The following MS4A5 variants were observed in gnomAD, a reference collection of about 807,000 sequenced individuals.
The protein encoded by MS4A5 is membrane-spanning 4-domains subfamily A member 5.
Under a neutral mutation model 18.2 loss-of-function variants are expected in MS4A5, and 15 were observed. That is an observed-to-expected ratio of 0.83 (90% confidence interval 0.55 to 1.27). The LOEUF (loss-of-function observed/expected upper bound fraction) is 1.27. MS4A5 is among the 50% of genes most tolerant of loss of function. The pLI, the probability that MS4A5 is intolerant of heterozygous loss-of-function variation, is 0.00. For synonymous variants in MS4A5, 89 were observed against 78.7 expected (o/e 1.13, Z -0.69); for missense variants, 232 against 225.7 (o/e 1.03, Z -0.18).
intron 1 of MS4A5, 62 bp downstream of exon 1, chr11:60,429,889 C>T (rs2086039266): frequency 6.0e-6 from 9 of 1,492,192 alleles, no homozygotes; most frequent in Non-Finnish European, 8.2e-6. Flanking sequence ...GGGAAATTAT[C>T]TGTTGGCACA....
chr11:60,434,801 ATGCTTAT>A (rs2086069761), intron 4 of MS4A5, among the ~76,000 whole-genome samples: 1 of 152,178 alleles, frequency 6.6e-6, no homozygotes, highest in Non-Finnish European at 1.5e-5. Context: ...TTTGCCAGTG[ATGCTTAT>A]TTGGAATCCA....
At chr11:60,438,519 A>G (rs1455104979) in intron 4 of MS4A5, among the ~76,000 whole-genome samples, 1 of 152,160 alleles carries the variant, frequency 6.6e-6, no homozygotes, top group South Asian at 2.1e-4. Context: ...AAATTGATAG[A>G]CTGCTAGCAA....
intron 2 of MS4A5, among the ~76,000 whole-genome samples, chr11:60,431,903 T>C (rs1213808373): frequency 6.6e-6 from 1 of 152,190 alleles, no homozygotes; most frequent in Non-Finnish European, 1.5e-5. Context: ...ATGGAAGTGC[T>C]GTAATCAGAT....
chr11:60,433,882 A>C lies in MS4A5; in HGVS notation c.457A>C (p.Asn153His), dbSNP rs757632460. 2 of 1,614,200 alleles carry C rather than the reference A, an allele frequency of 1.2e-6. No individual in the cohort carries two copies. Among genetic ancestry groups the C allele is most frequent in the Admixed American group, 3.3e-5 (2 of 60,038 alleles). ...CTACATTTGTGGTTATTCTCACCAA[A>C]ATAGTCAGTGTAAGGCTGTTACTGT... ...QNYICGYSHQ[N>H]SQCKAVTVLF... The change falls in exon 4 of 5, where the codon AAT becomes CAT. Residue 153 changes from asparagine (N) to histidine (H), a missense_variant. Transcript: ENST00000300190.
chr11:60,439,893 A>C (rs1211815339), intron 4 of MS4A5, among the ~76,000 whole-genome samples: 1 of 93,262 alleles, frequency 1.1e-5, no homozygotes, highest in Non-Finnish European at 2.3e-5. Context: ...TCAAGCTACC[A>C]ATGACTTTCT....
chr11:60,430,890 T>C lies in MS4A5; in HGVS notation c.248T>C (p.Phe83Ser). The change falls in exon 2 of 5, where the codon TTT becomes TCT. Residue 83 changes from phenylalanine to serine, a missense_variant. Phe to Ser is a radical substitution (Grantham distance 155). Coordinates refer to ENST00000300190, the MANE Select transcript of MS4A5 (RefSeq NM_023945.3). Reference sequence around the variant, plus strand: ...CCATATCCAAGGTTTCCCTTTATATTTCTTTCAGGATATCCATTCTGGGGC... The same window carrying C: ...CCATATCCAAGGTTTCCCTTTATATCTCTTTCAGGATATCCATTCTGGGGC... ...LKPYPRFPFI[F>S]LSGYPFWGSV... 1.9e-6 allele frequency: 3 copies of C among 1,613,332 alleles called. No individual in the cohort carries two copies. Among genetic ancestry groups the C allele is most frequent in the South Asian group, 1.1e-5 (1 of 91,008 alleles).
intron 4 of MS4A5, among the ~76,000 whole-genome samples, chr11:60,437,648 A>C (rs1449379547): frequency 6.7e-6 from 1 of 150,372 alleles, no homozygotes; most frequent in African/African-American, 2.4e-5. Context: ...ACAGACTTTA[A>C]ATCAACAAAG....
At chr11:60,444,693 A>G (rs958206014) in intron 4 of MS4A5, among the ~76,000 whole-genome samples, 6 of 152,210 alleles carry the variant, frequency 3.9e-5, no homozygotes, top group Admixed American at 6.5e-5. Context: ...GATAAATGCA[A>G]ATTAAAATCA....
intron 4 of MS4A5, among the ~76,000 whole-genome samples, chr11:60,436,520 T>C (rs1359834429): frequency 6.0e-5 from 8 of 132,858 alleles, no homozygotes; most frequent in Non-Finnish European, 6.8e-5. Flanking sequence ...GTTGAAAACT[T>C]TGAAAAAAAT....
chr11:60,433,897 G>A lies in MS4A5; in HGVS notation c.472G>A (p.Ala158Thr). 6.2e-7 allele frequency: 1 copy of A among 1,613,974 alleles called. No individual in the cohort carries two copies. The highest frequency in any genetic ancestry group is 8.5e-7 in the Non-Finnish European group (1 of 1,179,956). The change falls in exon 4 of 5, where the codon GCT becomes ACT. Residue 158 changes from alanine to threonine, a missense_variant. Coordinates refer to ENST00000300190, the MANE Select transcript of MS4A5 (RefSeq NM_023945.3). The part of the protein sequence containing the change: ...GYSHQNSQCK[A>T]VTVLFLGILI... ...TTCTCACCAAAATAGTCAGTGTAAG[G>A]CTGTTACTGTCCTGTTCTTGGTAAG...
At chr11:60,432,008 C>A (rs2086050874) in intron 2 of MS4A5, among the ~76,000 whole-genome samples, 1 of 94,280 alleles carries the variant, frequency 1.1e-5, no homozygotes, top group Non-Finnish European at 2.6e-5. Flanking sequence ...TTCACTGCAA[C>A]CCCACCTTAT....
chr11:60,437,026 G>A (rs1407899759), intron 4 of MS4A5, among the ~76,000 whole-genome samples: 1 of 136,482 alleles, frequency 7.3e-6, no homozygotes, highest in East Asian at 2.1e-4. Context: ...CAGAGAGAAA[G>A]GTTGGGTAAC....
intron 4 of MS4A5, 81 bp downstream of exon 4, chr11:60,433,998 A>G: frequency 8.1e-7 from 1 of 1,240,852 alleles, no homozygotes; most frequent in South Asian, 1.5e-5. Flanking sequence ...CACCATTCAG[A>G]TCATGTTGTG....
At chr11:60,440,206 GA>G (rs1345572509) in intron 4 of MS4A5, among the ~76,000 whole-genome samples, 1 of 93,658 alleles carries the variant, frequency 1.1e-5, no homozygotes, top group Non-Finnish European at 2.3e-5. Context: ...ATGGTGCTGG[GA>G]AAACTGGCTA....
rs964896048 is a variant in MS4A5 at position 60,429,844 on chromosome 11, C to G, written c.153+17C>G. ...ATCTTAGGGGTAAGTAAGACTTGCC[C>G]CTATGTATATTTTACTGAGGCAGGG... On this transcript the variant is annotated intron_variant, in intron 1 of 4. Transcript: ENST00000300190. 1.2e-6 allele frequency: 2 copies of G among 1,607,948 alleles called. No individual in the cohort carries two copies. Among genetic ancestry groups the G allele is most frequent in the Non-Finnish European group, 1.7e-6 (2 of 1,177,910 alleles).
chr11:60,436,812 T>G (rs1364934920), intron 4 of MS4A5, among the ~76,000 whole-genome samples: 1 of 135,942 alleles, frequency 7.4e-6, no homozygotes, highest in Non-Finnish European at 1.6e-5. Context: ...TACCTAAAAG[T>G]GATGGGGAGA....
intron 4 of MS4A5, among the ~76,000 whole-genome samples, chr11:60,446,087 C>A (rs2086136781): frequency 1.3e-5 from 2 of 151,814 alleles, no homozygotes; most frequent in African/African-American, 4.8e-5. Flanking sequence ...GTAAAACAAA[C>A]AAACAAAAAA....
In MS4A5 at chr11:60,447,698, C is replaced by A. The variant is rs749136081; in HGVS notation, c.542C>A (p.Ser181Tyr). The A allele has an allele frequency of 8.1e-6, 13 of 1,599,112 alleles. No individual in the cohort carries two copies. Among genetic ancestry groups the A allele is most frequent in the Middle Eastern group, 1.7e-4 (1 of 6,028 alleles). The change falls in exon 5 of 5, where the codon TCT (serine) becomes TAT (tyrosine). Residue 181 changes from serine (S) to tyrosine (Y), a missense_variant. Transcript: ENST00000300190. Reference sequence around the variant, plus strand: ...TTCAGCATTATTGAATTATTCATTTCTCTGCCTTTCTCAATTTTGGGGTGC... The same window carrying A: ...TTCAGCATTATTGAATTATTCATTTATCTGCCTTTCTCAATTTTGGGGTGC... ...MTFSIIELFI[S>Y]LPFSILGCHS...
intron 4 of MS4A5, among the ~76,000 whole-genome samples, chr11:60,436,058 G>C (rs1047616738): frequency 2.6e-5 from 4 of 152,138 alleles, no homozygotes; most frequent in Admixed American, 6.5e-5. Flanking sequence ...GAGAGCAGTG[G>C]TTCTCCCAGC....
Sources: allele counts gnomAD v4.1 joint callset (sites outside exome capture counted in the v4.1 genomes callset), GRCh38; gene constraint gnomAD v4.1.1; transcripts MANE v1.5; gene names NCBI Gene and HGNC (gene_info 2026-07-23, HGNC 2026-07-21).